HAUS5: variants seen among roughly 807,000 people sequenced by gnomAD.
HAUS5 encodes HAUS augmin like complex subunit 5.
In HAUS5, 67 loss-of-function variants were observed where a neutral mutation model predicts 94.1. That is an observed-to-expected ratio of 0.71 (90% CI 0.58 to 0.87). The LOEUF (loss-of-function observed/expected upper bound fraction) is 0.87, where lower values mean the gene tolerates loss of function less well. Among genes scored for constraint, HAUS5 ranks in the 40% least tolerant of loss-of-function variants. HAUS5 has a pLI of 0.00. For missense variants in HAUS5, 739 were observed against 825.6 expected (o/e 0.90, Z 1.29); for synonymous variants, 339 against 355.4 (o/e 0.95, Z 0.52).
chr19:35,617,896 G>A lies in HAUS5; in HGVS notation c.680G>A (p.Trp227Ter). 2 of 1,614,038 alleles carry A rather than the reference G, an allele frequency of 1.2e-6. No individual in the cohort carries two copies. Among genetic ancestry groups the A allele is most frequent in the Non-Finnish European group, 1.7e-6 (2 of 1,179,940 alleles). The change falls in exon 9 of 19, where the codon TGG becomes TAG. Residue 227 changes from tryptophan to a stop codon, truncating the protein, a stop_gained. Transcript: ENST00000203166. LOFTEE classifies it high-confidence loss of function. ...CACTTTGGCACTTCGTACCAGCAGTGGCTGAGCTCAGTGGAGGTGAGAGGG... is the reference window on the plus strand; with the variant it reads ...CACTTTGGCACTTCGTACCAGCAGTAGCTGAGCTCAGTGGAGGTGAGAGGG... ...DDHFGTSYQQ[W>*]LSSVETLLTN...
rs1311633223 is a variant in HAUS5, at chr19:35,612,868, G to A, written c.74G>A (p.Arg25Gln). The A allele has an allele frequency of 1.9e-6, 3 of 1,545,866 alleles. No individual in the cohort carries two copies. Among genetic ancestry groups the A allele is most frequent in the Admixed American group, 2.0e-5 (1 of 49,698 alleles). ...GAGATGGGGGTGCCCGTGGCGGCCC[G>A]GGCCCCGGAATCGACGCTGCGCAGG... ...VEEMGVPVAARAPESTLRRLC... is the reference protein window; with the variant it reads ...VEEMGVPVAAQAPESTLRRLC... The change falls in exon 1 of 19, where the codon CGG becomes CAG. Residue 25 changes from arginine (R) to glutamine (Q), a missense_variant. By Grantham distance (43) the Arg-to-Gln change is conservative. Coordinates refer to ENST00000203166, the MANE Select transcript of HAUS5 (RefSeq NM_015302.2).
chr19:35,619,584 G>GCGC, intron 14 of HAUS5, 29 bp from the exon 15 acceptor site: 24 of 1,533,842 alleles, frequency 1.6e-5, no homozygotes, highest in East Asian at 2.3e-5. Flanking sequence ...ATGTTGTGAT[G>GCGC]CCCCACCCAC....
rs773239485 is a variant in HAUS5, at chr19:35,619,674, G to A, written c.1322G>A (p.Arg441Gln). 33 of 1,502,706 alleles carry A rather than the reference G, an allele frequency of 2.2e-5. No individual in the cohort carries two copies. In the East Asian group the frequency reaches 4.4e-4, roughly 20 times the overall value. 93.1% of individuals were successfully genotyped at this position (1,502,706 alleles called of 1,614,324 possible). ...TTTGAGGCAGTGGCACCACAGAGCC[G>A]GGAGCTGCTGCGCTGTCTGGAGGAG... ...PTFEAVAPQS[R>Q]ELLRCLEEEV... The change falls in exon 15 of 19, where the codon CGG becomes CAG. Residue 441 changes from arginine (R) to glutamine (Q), a missense_variant. By Grantham distance (43) the Arg-to-Gln change is conservative. Coordinates refer to ENST00000203166, the MANE Select transcript of HAUS5 (RefSeq NM_015302.2).
chr19:35,615,232 G>A lies in HAUS5; in HGVS notation c.331G>A (p.Ala111Thr). 1 of 1,613,902 alleles carries A rather than the reference G, an allele frequency of 6.2e-7. No homozygotes were observed. The highest frequency in any genetic ancestry group is 1.3e-5 in the African/African-American group (1 of 75,064). Residue 111 changes from alanine (A) to threonine (T), a missense_variant, in exon 6 of 19, where the codon GCC becomes ACC. Physicochemically the swap from Ala to Thr is moderately conservative, Grantham distance 58. Coordinates refer to ENST00000203166, the MANE Select transcript of HAUS5 (RefSeq NM_015302.2). ...MERDTEAQDT[A>T]MEQARQHTQD... Reference sequence around the variant, plus strand: ...CACCCCTGTTCCTCCCACAGACACGGCCATGGAGCAGGCACGTCAGCACAC... The same window carrying A: ...CACCCCTGTTCCTCCCACAGACACGACCATGGAGCAGGCACGTCAGCACAC...
In HAUS5 at chr19:35,622,723, G is replaced by A. The variant is rs769990770; in HGVS notation, c.1774G>A (p.Val592Met). ...LERIPELQGI[V>M]GDWWEQPGQA... Reference sequence around the variant, plus strand: ...GCGAATCCCTGAGCTGCAGGGGATCGTGGGGGACTGGTGAGAGGGGAACGT... The same window carrying A: ...GCGAATCCCTGAGCTGCAGGGGATCATGGGGGACTGGTGAGAGGGGAACGT... The change falls in exon 18 of 19, where the codon GTG becomes ATG. Residue 592 changes from valine to methionine, a missense_variant. Transcript: ENST00000203166. 4 of 1,613,990 alleles carry A rather than the reference G, an allele frequency of 2.5e-6. No homozygotes were observed. Among genetic ancestry groups the A allele is most frequent in the South Asian group, 1.1e-5 (1 of 91,082 alleles).
chr19:35,613,282 C>T (rs1389788163), intron 1 of HAUS5, among the ~76,000 whole-genome samples: 1 of 152,134 alleles, frequency 6.6e-6, no homozygotes, highest in Non-Finnish European at 1.5e-5. Context: ...CATCCCCCAC[C>T]TCCACCTCTG....
intron 1 of HAUS5, among the ~76,000 whole-genome samples, chr19:35,613,463 T>C (rs2071912614): frequency 6.6e-6 from 1 of 151,522 alleles, no homozygotes; most frequent in Non-Finnish European, 1.5e-5. Flanking sequence ...TGCCTGCCTG[T>C]AGTCCTAGCT....
At chr19:35,616,284 C>G (rs1599594901) in intron 6 of HAUS5, among the ~76,000 whole-genome samples, 3 of 151,644 alleles carry the variant, frequency 2.0e-5, no homozygotes, top group African/African-American at 7.3e-5. Context: ...CACCACTGCA[C>G]TCCAGCCTGG....
At position 35,617,280 on chromosome 19, in the gene HAUS5, T is replaced by C; in HGVS notation, c.556-7T>C. On this transcript the variant is annotated splice_polypyrimidine_tract_variant and splice_region_variant and intron_variant, in intron 7 of 18. Coordinates refer to ENST00000203166, the MANE Select transcript of HAUS5 (RefSeq NM_015302.2). Reference sequence around the variant, plus strand: ...CCCCTCAGGTCCCTTCCTCCTCTTCTCCCTAGCGTGATGTCCGAACAGCCT... The same window carrying C: ...CCCCTCAGGTCCCTTCCTCCTCTTCCCCCTAGCGTGATGTCCGAACAGCCT... 3.1e-6 allele frequency: 5 copies of C among 1,612,516 alleles called. No individual in the cohort carries two copies. The highest frequency in any genetic ancestry group is 4.2e-6 in the Non-Finnish European group (5 of 1,178,614).
intron 1 of HAUS5, 91 bp downstream of exon 1, chr19:35,612,983 C>A: frequency 1.1e-6 from 1 of 904,330 alleles, no homozygotes; most frequent in Non-Finnish European, 1.6e-6. Flanking sequence ...ACTCGACTCC[C>A]CCCAATTCCC....
chr19:35,615,068 T>C lies in HAUS5; in HGVS notation c.246T>C (p.Ala82=). The stretch of plus-strand genomic sequence containing the variant: ...TCCGTCGGAAGTTAGAGCTGGAAGC[T>C]GCTGTGACCCGCCTGCGGGCAGAAA... ...PQVRRKLELE[A]AVTRLRAEIQ... Residue 82 remains alanine (A), a synonymous_variant, in exon 5 of 19, where the codon GCT becomes GCC. Coordinates refer to ENST00000203166, the MANE Select transcript of HAUS5 (RefSeq NM_015302.2). 1 of 1,602,016 alleles carries C rather than the reference T, an allele frequency of 6.2e-7. No individual in the cohort carries two copies. Among genetic ancestry groups the C allele is most frequent in the Middle Eastern group, 1.7e-4 (1 of 6,050 alleles).
At position 35,622,720 on chromosome 19, in the gene HAUS5, A is replaced by G; in HGVS notation, c.1771A>G (p.Ile591Val). The G allele has an allele frequency of 6.2e-7, 1 of 1,614,084 alleles. No individual in the cohort carries two copies. Among genetic ancestry groups the G allele is most frequent in the African/African-American group, 1.3e-5 (1 of 75,046 alleles). The change falls in exon 18 of 19, where the codon ATC (isoleucine) becomes GTC (valine). Residue 591 changes from isoleucine to valine, a missense_variant. Physicochemically the swap from Ile to Val is conservative, Grantham distance 29 (BLOSUM62 3). Transcript: ENST00000203166. ...ALERIPELQG[I>V]VGDWWEQPGQ... Reference sequence around the variant, plus strand: ...GGAGCGAATCCCTGAGCTGCAGGGGATCGTGGGGGACTGGTGAGAGGGGAA... The same window carrying G: ...GGAGCGAATCCCTGAGCTGCAGGGGGTCGTGGGGGACTGGTGAGAGGGGAA...
intron 13 of HAUS5, 108 bp from the exon 14 acceptor site, chr19:35,619,316 A>G: frequency 1.1e-6 from 1 of 892,228 alleles, no homozygotes. Context: ...TGGGCCTCCT[A>G]GGCAAGAGCC....
At position 35,619,498 on chromosome 19, in the gene HAUS5, G is replaced by C. The variant is rs193073168; in HGVS notation, c.1254G>C (p.Pro418=). Residue 418 remains proline (P), a synonymous_variant, in exon 14 of 19, where the codon CCG becomes CCC. Coordinates refer to ENST00000203166, the MANE Select transcript of HAUS5 (RefSeq NM_015302.2). ...GCAAGACCCGCCTGTGCCGGAGCCCGGGGGAGGTGAGATGGGAGTTGGGGT... is the reference window on the plus strand; with the variant it reads ...GCAAGACCCGCCTGTGCCGGAGCCCCGGGGAGGTGAGATGGGAGTTGGGGT... The part of the protein sequence containing the change: ...SASKTRLCRS[P]GEVLALVQRK... 3 of 1,608,300 alleles carry C rather than the reference G, an allele frequency of 1.9e-6. No individual in the cohort carries two copies. Among genetic ancestry groups the C allele is most frequent in the Non-Finnish European group, 8.5e-7 (1 of 1,176,878 alleles).
At position 35,619,596 on chromosome 19, in the gene HAUS5, C is replaced by T; in HGVS notation, c.1261-17C>T. On this transcript the variant is annotated splice_polypyrimidine_tract_variant and intron_variant, in intron 14 of 18. Transcript: ENST00000203166. ...GTGATGTTGTGATGCCCCACCCACC[C>T]CTCCCCTTCCCCACAGGTGCTAGCT... 1.9e-6 allele frequency: 3 copies of T among 1,564,530 alleles called. No homozygotes were observed. The highest frequency in any genetic ancestry group is 2.6e-6 in the Non-Finnish European group (3 of 1,146,780).
intron 10 of HAUS5, 80 bp from the exon 11 acceptor site, chr19:35,618,322 G>A: frequency 6.2e-7 from 1 of 1,603,774 alleles, no homozygotes; most frequent in Non-Finnish European, 8.5e-7. Context: ...TGGTGGGGTG[G>A]CAGGACTGAT....
Position 35,619,631 on chromosome 19 carries a change from C to A in HAUS5, c.1279C>A (p.Arg427=). Residue 427 remains arginine (R), a synonymous_variant, in exon 15 of 19, where the codon CGA becomes AGA. Coordinates refer to ENST00000203166, the MANE Select transcript of HAUS5 (RefSeq NM_015302.2). ...SPGEVLALVQ[R]KVVPTFEAVA... is the part of the protein sequence containing the mutation. ...CCCACAGGTGCTAGCTCTGGTCCAG[C>A]GAAAGGTGGTCCCTACATTTGAGGC... The A allele has an allele frequency of 6.3e-7, 1 of 1,591,510 alleles. No individual in the cohort carries two copies. The highest frequency in any genetic ancestry group is 8.5e-7 in the Non-Finnish European group (1 of 1,169,746).
In HAUS5 at chr19:35,618,207, G is replaced by C. The variant is rs746462570; in HGVS notation, c.821+12G>C. 6.3e-7 allele frequency: 1 copy of C among 1,596,746 alleles called. No homozygotes were observed. The highest frequency in any genetic ancestry group is 8.6e-7 in the Non-Finnish European group (1 of 1,169,024). ...ACAGAGATATCCAGGTGTGGGGCAG[G>C]GTATTCTCACAGTTGGGGAAGGCCA... On this transcript the variant is annotated intron_variant, in intron 10 of 18. Coordinates refer to ENST00000203166, the MANE Select transcript of HAUS5 (RefSeq NM_015302.2).
Position 35,618,904 on chromosome 19 carries a change from G to T in HAUS5, c.1034G>T (p.Gly345Val). Residue 345 changes from glycine (G) to valine (V), a missense_variant, in exon 13 of 19, where the codon GGG becomes GTG. Physicochemically the swap from Gly to Val is moderately radical, Grantham distance 109 (BLOSUM62 -3). Transcript: ENST00000203166. ...CCCTGCAGGCAGGTGCTGATACTGG[G>T]GCTTCGGCGCTGTTGCCTGTGGACG... The part of the protein sequence containing the change: ...GSSERQVLIL[G>V]LRRCCLWTEL... The T allele has an allele frequency of 6.2e-7, 1 of 1,608,690 alleles. No individual in the cohort carries two copies.
Sources: allele counts gnomAD v4.1 joint callset (sites outside exome capture counted in the v4.1 genomes callset), GRCh38; gene constraint gnomAD v4.1.1; transcripts MANE v1.5; gene names NCBI Gene and HGNC (gene_info 2026-07-23, HGNC 2026-07-21).